Variants in KCND2 observed in about 807,000 individuals in gnomAD.
KCND2 encodes A-type voltage-gated potassium channel KCND2.
KCND2 carries 16 observed loss-of-function variants against 54.4 expected under a neutral mutation model. That is an observed-to-expected ratio of 0.29 (90% CI 0.20 to 0.45). KCND2 has a LOEUF of 0.45. Ranked by LOEUF, KCND2 falls within the 20% of genes least tolerant of loss-of-function variation. The pLI is 1.00. For missense variants in KCND2, 486 were observed against 824.2 expected, an observed-to-expected ratio of 0.59 and a Z score of 5.02; for synonymous variants, 317 against 310.7, an observed-to-expected ratio of 1.02 and a Z score of -0.21.
intron 1 of KCND2, among the ~76,000 whole-genome samples, chr7:120,395,857 A>C (rs1584760991): frequency 6.6e-6 from 1 of 151,904 alleles, no homozygotes; most frequent in Non-Finnish European, 1.5e-5. Flanking sequence ...TGGCCTCTTC[A>C]CTGCATGCTA....
intron 2 of KCND2, among the ~76,000 whole-genome samples, chr7:120,739,880 G>A (rs1792919569): frequency 6.6e-6 from 1 of 151,538 alleles, no homozygotes; most frequent in South Asian, 2.1e-4. Flanking sequence ...AATATGTCTT[G>A]TAGATAAGCT....
At chr7:120,704,417 A>G (rs538435736) in intron 1 of KCND2, among the ~76,000 whole-genome samples, 1 of 152,284 alleles carries the variant, frequency 6.6e-6, no homozygotes, top group East Asian at 1.9e-4. Flanking sequence ...AATGATTCTT[A>G]AATCTTAAAG....
chr7:120,428,050 C>T (rs2116155865), intron 1 of KCND2, among the ~76,000 whole-genome samples: 1 of 152,184 alleles, frequency 6.6e-6, no homozygotes, highest in African/African-American at 2.4e-5. Flanking sequence ...AAAAAAATTC[C>T]TGTTAAATTA....
chr7:120,406,086 T>G (rs1801351800), intron 1 of KCND2, among the ~76,000 whole-genome samples: 3 of 152,040 alleles, frequency 2.0e-5, no homozygotes, highest in Non-Finnish European at 4.4e-5. Context: ...AACAAATATC[T>G]TAATGTAATA....
chr7:120,687,668 A>G (rs898146140), intron 1 of KCND2, among the ~76,000 whole-genome samples: 1 of 152,032 alleles, frequency 6.6e-6, no homozygotes, highest in Non-Finnish European at 1.5e-5. Flanking sequence ...AAAACAACAT[A>G]AAAAAACCCC....
chr7:120,350,968 A>G (rs1055187034), intron 1 of KCND2, among the ~76,000 whole-genome samples: 1 of 152,062 alleles, frequency 6.6e-6, no homozygotes, highest in African/African-American at 2.4e-5. Context: ...TTTGTTATAA[A>G]AAGTTTTAAG....
chr7:120,580,615 C>T (rs1183346711), intron 1 of KCND2, among the ~76,000 whole-genome samples: 2 of 152,214 alleles, frequency 1.3e-5, no homozygotes, highest in Non-Finnish European at 2.9e-5. Flanking sequence ...GATTCTTGAA[C>T]ACATTTACAA....
At chr7:120,413,715 G>C (rs1801483675) in intron 1 of KCND2, among the ~76,000 whole-genome samples, 1 of 151,912 alleles carries the variant, frequency 6.6e-6, no homozygotes, top group African/African-American at 2.4e-5. Flanking sequence ...TTTTGTAGTT[G>C]ATTGGAAAAG....
chr7:120,288,487 A>T (rs374401981), intron 1 of KCND2, among the ~76,000 whole-genome samples: 1 of 152,230 alleles, frequency 6.6e-6, no homozygotes, highest in East Asian at 1.9e-4. Context: ...GCATAAGGGG[A>T]GTTTTATGTA....
chr7:120,634,177 T>C (rs1793273832), intron 1 of KCND2, among the ~76,000 whole-genome samples: 1 of 152,186 alleles, frequency 6.6e-6, no homozygotes, highest in South Asian at 2.1e-4. Flanking sequence ...GGCAAGAAAC[T>C]TGCTTCAACT....
At chr7:120,423,157 G>C (rs11762819) in intron 1 of KCND2, among the ~76,000 whole-genome samples, 15,569 of 152,204 alleles carry the variant, frequency 0.1, 833 homozygotes, top group Admixed American at 0.13. Flanking sequence ...CAAAGGGAGG[G>C]CTTGGTGTCT....
intron 1 of KCND2, among the ~76,000 whole-genome samples, chr7:120,547,319 C>A (rs1377863940): frequency 6.6e-6 from 1 of 151,918 alleles, no homozygotes; most frequent in Non-Finnish European, 1.5e-5. Flanking sequence ...TGACTGAAAT[C>A]ATTCTCCATT....
chr7:120,589,935 A>C (rs183923921), intron 1 of KCND2, among the ~76,000 whole-genome samples: 30 of 152,354 alleles, frequency 2.0e-4, no homozygotes, highest in African/African-American at 6.3e-4. Flanking sequence ...ACTTTCAGTC[A>C]GAAACAGAGC....
rs572726214 is a variant in KCND2, at chr7:120,280,830, G to A, written c.1115+5083G>A. 4.6e-5 allele frequency among the ~76,000 whole-genome samples: 7 copies of A among 152,178 alleles called. No homozygotes were observed. In the South Asian group the frequency reaches 1.2e-3, roughly 27 times the overall value. ...ATGTGTTATAATAATTATCGGGACT[G>A]CTGCTGATTATACAGGGATAAGAGA... On this transcript the variant is annotated intron_variant, in intron 1 of 5. Coordinates refer to ENST00000331113, the MANE Select transcript of KCND2 (RefSeq NM_012281.3).
At chr7:120,284,112 C>A (rs1457405903) in intron 1 of KCND2, among the ~76,000 whole-genome samples, 1 of 152,098 alleles carries the variant, frequency 6.6e-6, no homozygotes, top group Non-Finnish European at 1.5e-5. Flanking sequence ...TCCAGATGAA[C>A]AAATTGTGAA....
At chr7:120,707,332 TG>T (rs1216649157) in intron 1 of KCND2, among the ~76,000 whole-genome samples, 5 of 152,126 alleles carry the variant, frequency 3.3e-5, no homozygotes, top group African/African-American at 1.2e-4. Context: ...GGGTGGTAAG[TG>T]TCAGTCTGGA....
At chr7:120,276,728 T>C (rs1799181262) in intron 1 of KCND2, among the ~76,000 whole-genome samples, 1 of 152,052 alleles carries the variant, frequency 6.6e-6, no homozygotes, top group African/African-American at 2.4e-5. Context: ...TTTTAGGTAG[T>C]AGAGAAAAGG....
intron 1 of KCND2, among the ~76,000 whole-genome samples, chr7:120,323,455 C>A (rs928667212): frequency 7.3e-5 from 11 of 151,270 alleles, no homozygotes; most frequent in Admixed American, 3.3e-4. Context: ...CCACTCCCCC[C>A]ACCCCACAAC....
chr7:120,371,824 T>A (rs1283777712), intron 1 of KCND2, among the ~76,000 whole-genome samples: 2 of 151,956 alleles, frequency 1.3e-5, no homozygotes, highest in Non-Finnish European at 2.9e-5. Context: ...ACAGCCTAGG[T>A]GTCTAGTAGG....
Sources: gnomAD v4.1 joint callset for allele counts (sites outside exome capture counted in the v4.1 genomes callset) on GRCh38, gnomAD v4.1.1 for gene constraint, MANE v1.5 for transcripts, NCBI Gene and HGNC (gene_info 2026-07-23, HGNC 2026-07-21) for gene names.